The following CNBD2 variants were observed in gnomAD, a reference collection of about 807,000 sequenced individuals.
CNBD2 encodes cyclic nucleotide binding domain containing 2.
A neutral mutation model predicts 63.7 loss-of-function variants in CNBD2; 64 were observed. The observed-to-expected ratio is 1.00, with a 90% CI of 0.82 to 1.24. The LOEUF (loss-of-function observed/expected upper bound fraction) is 1.24, where lower values mean the gene tolerates loss of function less well. CNBD2 is among the 50% of genes most tolerant of loss of function. The pLI, the probability that CNBD2 is intolerant of heterozygous loss-of-function variation, is 0.00. For synonymous variants in CNBD2, 229 were observed against 255.4 expected, an observed-to-expected ratio of 0.90 and a Z score of 0.99; for missense variants, 691 against 713.5, an observed-to-expected ratio of 0.97 and a Z score of 0.36.
chr20:36,019,407 C>T (rs774129922), intron 10 of CNBD2, among the ~76,000 whole-genome samples: 6 of 151,680 alleles, frequency 4.0e-5, no homozygotes, highest in Non-Finnish European at 7.4e-5. Context: ...CCTGTAGTCC[C>T]AGCTACTCGG....
At chr20:35,975,828 T>C (rs2056508914) in intron 2 of CNBD2, 121 bp from the exon 3 acceptor site, 3 of 843,242 alleles carry the variant, frequency 3.6e-6, no homozygotes, top group African/African-American at 1.7e-5. Flanking sequence ...CCGGCTGCTA[T>C]GAGGTTTCCC....
intron 2 of CNBD2, chr20:35,973,055 A>G (rs931819627): frequency 2.0e-6 from 1 of 492,804 alleles, no homozygotes; most frequent in Non-Finnish European, 3.5e-6. Context: ...CCTGCTGCCA[A>G]AACTCATGGC....
At chr20:35,962,322 G>A (rs1471832655) in intron 2 of CNBD2, among the ~76,000 whole-genome samples, 7 of 146,150 alleles carry the variant, frequency 4.8e-5, no homozygotes, top group Non-Finnish European at 7.4e-5. Context: ...GCAGTGGCAC[G>A]ATCTCGGCTC....
intron 7 of CNBD2, among the ~76,000 whole-genome samples, chr20:35,989,965 G>A (rs1400297422): frequency 6.6e-6 from 1 of 151,596 alleles, no homozygotes; most frequent in African/African-American, 2.4e-5. Flanking sequence ...GAGAGAGAAG[G>A]AAAGAAAGAA....
At chr20:35,999,677 TTC>T (rs1491147977) in intron 8 of CNBD2, among the ~76,000 whole-genome samples, 7 of 143,902 alleles carry the variant, frequency 4.9e-5, no homozygotes, top group African/African-American at 1.9e-4. Context: ...AACAAGTATC[TTC>T]TTTTTTTTTT....
chr20:36,023,648 C>A lies in CNBD2; in HGVS notation c.1316C>A (p.Pro439His). ...FLPEGECDTR[P>H]LILMSLGNEL... ...CCAGAGGGTGAATGCGACACACGAC[C>A]CTTGATCCTGATGAGCCTGGGAAAT... The change falls in exon 11 of 12, where the codon CCC (proline) becomes CAC (histidine). Residue 439 changes from proline (P) to histidine (H), a missense_variant. By Grantham distance (77) the Pro-to-His change is moderately conservative (BLOSUM62 -2). Coordinates refer to ENST00000373973, the MANE Select transcript of CNBD2 (RefSeq NM_001365709.1). The A allele has an allele frequency of 6.2e-7, 1 of 1,613,468 alleles. No individual in the cohort carries two copies. The highest frequency in any genetic ancestry group is 8.5e-7 in the Non-Finnish European group (1 of 1,179,720).
At chr20:35,987,709 G>A (rs137930846) in intron 7 of CNBD2, among the ~76,000 whole-genome samples, 176 bp downstream of exon 7, 1 of 152,316 alleles carries the variant, frequency 6.6e-6, no homozygotes, top group Non-Finnish European at 1.5e-5. Flanking sequence ...AGCATGGCTA[G>A]AGACATTAGA....
chr20:36,004,781 T>G (rs144145149), intron 8 of CNBD2, among the ~76,000 whole-genome samples: 40 of 152,202 alleles, frequency 2.6e-4, no homozygotes, highest in African/African-American at 9.1e-4. Context: ...CAGGCTGGTC[T>G]TGAACTCCTG....
intron 2 of CNBD2, among the ~76,000 whole-genome samples, chr20:35,962,593 G>A (rs2056317385): frequency 6.6e-6 from 1 of 152,102 alleles, no homozygotes; most frequent in South Asian, 2.1e-4. Flanking sequence ...CAGGACATTG[G>A]AGCCCCACTG....
chr20:35,986,953 G>A (rs995818221), intron 6 of CNBD2, among the ~76,000 whole-genome samples: 3 of 152,218 alleles, frequency 2.0e-5, no homozygotes, highest in African/African-American at 7.2e-5. Flanking sequence ...AGGCCAGGGG[G>A]ACACAAGGGT....
Position 35,995,042 on chromosome 20 carries a change from GC to G in CNBD2, c.861del (p.Cys288ValfsTer25). ...TATGTCCCTTGCTGTGTTCAGGGCA[GC>G]TGTGAAGTCCTGCGGCTGTTGGACC... ...SPFIMFISKG[S>X]CEVLRLLDLG... On this transcript the variant is annotated frameshift_variant, in exon 8 of 12. Transcript: ENST00000373973. LOFTEE classifies it high-confidence loss of function. 6.2e-7 allele frequency: 1 copy of G among 1,613,322 alleles called. No individual in the cohort carries two copies. Among genetic ancestry groups the G allele is most frequent in the South Asian group, 1.1e-5 (1 of 91,068 alleles).
At chr20:35,987,820 G>T (rs2056689826) in intron 7 of CNBD2, among the ~76,000 whole-genome samples, 1 of 152,138 alleles carries the variant, frequency 6.6e-6, no homozygotes, top group South Asian at 2.1e-4. Flanking sequence ...TTATGCATTT[G>T]GCTGTTGAAT....
At chr20:36,013,835 G>A (rs909258278) in intron 10 of CNBD2, among the ~76,000 whole-genome samples, 1 of 152,162 alleles carries the variant, frequency 6.6e-6, no homozygotes, top group Non-Finnish European at 1.5e-5. Flanking sequence ...GAAAACATCA[G>A]TAGTCACTGA....
At position 35,963,293 on chromosome 20, in the gene CNBD2, A is replaced by G. The variant is rs1360498660; in HGVS notation, c.228+5519A>G. On this transcript the variant is annotated intron_variant, in intron 2 of 4. Transcript: ENST00000622112. ...AAGGTAGAGGCTGCAGTGAGCTGTGATCATGCCACTGCACTCTGGCCTAGG... is the reference window on the plus strand; with the variant it reads ...AAGGTAGAGGCTGCAGTGAGCTGTGGTCATGCCACTGCACTCTGGCCTAGG... Among the ~76,000 whole-genome samples, 4 of 151,720 alleles carry G rather than the reference A, an allele frequency of 2.6e-5. No homozygotes were observed. The South Asian group carries it at 8.3e-4, about 32-fold the overall frequency.
Position 36,019,536 on chromosome 20 carries a change from A to G in CNBD2, c.1270-4066A>G, listed in dbSNP as rs571456744. ...GACCTTGTCTCAAAAAAAGAAAAAA[A>G]AAAAAAAAAAAAAAAAGAATAAGCT... On this transcript the variant is annotated intron_variant, in intron 10 of 11. Transcript: ENST00000373973. Among the ~76,000 whole-genome samples the G allele has an allele frequency of 7.3e-5, 11 of 150,712 alleles. No individual in the cohort carries two copies. The East Asian group carries it at 1.2e-3, about 16-fold the overall frequency.
At chr20:35,962,461 C>T (rs560572241) in intron 2 of CNBD2, among the ~76,000 whole-genome samples, 4 of 151,996 alleles carry the variant, frequency 2.6e-5, no homozygotes, top group South Asian at 2.1e-4. Flanking sequence ...GGGGTTTCAC[C>T]GTGTTATCCA....
chr20:36,014,806 T>A (rs1365353355), intron 10 of CNBD2, among the ~76,000 whole-genome samples: 2 of 151,460 alleles, frequency 1.3e-5, no homozygotes, highest in African/African-American at 4.9e-5. Flanking sequence ...TAATTTTTTT[T>A]ATTTTTCGTT....
At chr20:35,968,868 G>A (rs2056373070) in intron 1 of CNBD2, 55 bp downstream of exon 1, 1 of 1,428,744 alleles carries the variant, frequency 7.0e-7, no homozygotes, top group Admixed American at 1.9e-5. Flanking sequence ...ACAGACAGGT[G>A]TTTTGAGGAA....
chr20:35,975,302 C>G (rs1207621253), intron 2 of CNBD2, among the ~76,000 whole-genome samples: 371 of 82,874 alleles, frequency 4.5e-3, no homozygotes, highest in Middle Eastern at 0.019. Context: ...CGCCCGGCCT[C>G]TTTTTTTTTA....
Sources: allele counts gnomAD v4.1 joint callset (sites outside exome capture counted in the v4.1 genomes callset), GRCh38; gene constraint gnomAD v4.1.1; transcripts MANE v1.5; gene names NCBI Gene and HGNC (gene_info 2026-07-23, HGNC 2026-07-21).